The following BTBD9 variants were observed in gnomAD, a reference collection of about 807,000 sequenced individuals.
The protein encoded by BTBD9 is BTB domain containing 9, also known as BTB/POZ domain-containing protein 9.
A neutral mutation model predicts 64.3 loss-of-function variants in BTBD9; 49 were observed. That is an observed-to-expected ratio of 0.76 (90% CI 0.61 to 0.97). The LOEUF (loss-of-function observed/expected upper bound fraction) is 0.97, where lower values mean the gene tolerates loss of function less well. BTBD9 is among the 50% of genes least tolerant of loss of function. BTBD9 has a pLI of 0.00. For synonymous variants in BTBD9, 260 were observed against 274.7 expected (o/e 0.95, Z 0.53); for missense variants, 598 against 762.1 (o/e 0.78, Z 2.53).
chr6:38,464,382 G>GA (rs142296032), intron 6 of BTBD9, among the ~76,000 whole-genome samples: 169 of 147,110 alleles, frequency 1.1e-3, no homozygotes, highest in African/African-American at 3.1e-3. Flanking sequence ...TTGCATTCAT[G>GA]AAAAAAAAAA....
intron 1 of BTBD9, among the ~76,000 whole-genome samples, chr6:38,637,645 T>C (rs1411802970): frequency 1.3e-5 from 2 of 152,206 alleles, no homozygotes; most frequent in Non-Finnish European, 2.9e-5. Context: ...TGGTACATCA[T>C]TTCAGTAAAT....
intron 7 of BTBD9, among the ~76,000 whole-genome samples, chr6:38,324,313 A>G (rs892669208): frequency 1.3e-5 from 2 of 152,216 alleles, no homozygotes; most frequent in Non-Finnish European, 2.9e-5. Flanking sequence ...AAATTCTAAA[A>G]TACGCATTAG....
intron 6 of BTBD9, among the ~76,000 whole-genome samples, chr6:38,449,926 G>T (rs894682712): frequency 1.3e-5 from 2 of 152,038 alleles, no homozygotes; most frequent in African/African-American, 4.8e-5. Context: ...AATAAATATA[G>T]ACAAATGGGA....
At chr6:38,351,095 T>C (rs1562062158) in intron 6 of BTBD9, among the ~76,000 whole-genome samples, 1 of 152,236 alleles carries the variant, frequency 6.6e-6, no homozygotes, top group Non-Finnish European at 1.5e-5. Context: ...AAAAAGCTTC[T>C]AGAAAAGCAT....
chr6:38,309,605 G>A (rs1762753405), intron 7 of BTBD9, among the ~76,000 whole-genome samples: 1 of 151,800 alleles, frequency 6.6e-6, no homozygotes, highest in South Asian at 2.1e-4. Flanking sequence ...TAGAGACGGG[G>A]TTTCACCATG....
intron 6 of BTBD9, among the ~76,000 whole-genome samples, chr6:38,351,798 G>C (rs200387414): frequency 6.6e-5 from 10 of 151,942 alleles, no homozygotes; most frequent in African/African-American, 2.4e-4. Context: ...CGCCCCAGCC[G>C]TAATTGTTTT....
intron 9 of BTBD9, among the ~76,000 whole-genome samples, chr6:38,212,077 G>A (rs759058745): frequency 6.6e-6 from 1 of 152,180 alleles, no homozygotes; most frequent in Non-Finnish European, 1.5e-5. Flanking sequence ...ACCATTTAAC[G>A]TGGTCCCAGG....
intron 6 of BTBD9, among the ~76,000 whole-genome samples, chr6:38,511,889 G>A (rs1266013358): frequency 6.6e-6 from 1 of 152,148 alleles, no homozygotes; most frequent in Non-Finnish European, 1.5e-5. Flanking sequence ...TAGAGGAAAG[G>A]GAAATGAAAT....
At chr6:38,196,661 T>C (rs1051507211) in intron 9 of BTBD9, among the ~76,000 whole-genome samples, 10 of 152,242 alleles carry the variant, frequency 6.6e-5, no homozygotes, top group African/African-American at 1.7e-4. Context: ...GTAGTGCCCC[T>C]TCCTTAAGAA....
At chr6:38,202,946 T>C (rs1025875712) in intron 9 of BTBD9, among the ~76,000 whole-genome samples, 122 of 152,260 alleles carry the variant, frequency 8.0e-4, no homozygotes, top group Non-Finnish European at 7.4e-5. Flanking sequence ...ACCCGCAAAC[T>C]ATTCATCTAA....
At chr6:38,227,512 G>A (rs1763439403) in intron 9 of BTBD9, among the ~76,000 whole-genome samples, 2 of 152,144 alleles carry the variant, frequency 1.3e-5, no homozygotes. Flanking sequence ...TATCCCTTCC[G>A]CCTGATGAGG....
chr6:38,405,897 GAAATTTTGA>G (rs967620006), intron 6 of BTBD9, among the ~76,000 whole-genome samples: 18 of 152,252 alleles, frequency 1.2e-4, no homozygotes, highest in Non-Finnish European at 2.6e-4. Flanking sequence ...AGTTACAAAT[GAAATTTTGA>G]AAATGTCTTT....
chr6:38,309,740 A>G (rs1333887116), intron 7 of BTBD9, among the ~76,000 whole-genome samples: 1 of 151,942 alleles, frequency 6.6e-6, no homozygotes, highest in Non-Finnish European at 1.5e-5. Flanking sequence ...ACGATCCTTT[A>G]ATAAAGAATA....
At chr6:38,197,273 A>G (rs552332513) in intron 9 of BTBD9, among the ~76,000 whole-genome samples, 3 of 152,340 alleles carry the variant, frequency 2.0e-5, no homozygotes. Flanking sequence ...CAAAGAGAAG[A>G]GAAGTAATCT....
chr6:38,431,548 T>C lies in BTBD9; in HGVS notation c.1155-86455A>G, dbSNP rs545082712. ...ACCCTAGATTCCCATCCCTCAAACC[T>C]GCTCCTCCCCATTGTCTTATCTACC... On this transcript the variant is annotated intron_variant, in intron 6 of 10. Transcript: ENST00000481247. 3.9e-5 allele frequency among the ~76,000 whole-genome samples: 6 copies of C among 152,298 alleles called. 1 individual carries two copies. The South Asian group carries it at 1.2e-3, about 32-fold the overall frequency.
intron 6 of BTBD9, among the ~76,000 whole-genome samples, chr6:38,348,518 T>TA (rs2127591603): frequency 6.6e-6 from 1 of 152,260 alleles, no homozygotes; most frequent in East Asian, 1.9e-4. Flanking sequence ...AATTAAAACT[T>TA]AAACAGTGCA....
intron 6 of BTBD9, among the ~76,000 whole-genome samples, chr6:38,431,782 A>G (rs532720825): frequency 6.6e-6 from 1 of 152,118 alleles, no homozygotes; most frequent in Admixed American, 6.5e-5. Flanking sequence ...TTGTCTGTCT[A>G]TATCCCCATT....
At chr6:38,211,019 C>T (rs1047651400) in intron 9 of BTBD9, among the ~76,000 whole-genome samples, 2 of 152,174 alleles carry the variant, frequency 1.3e-5, no homozygotes, top group Admixed American at 6.5e-5. Context: ...GGTATCAGAG[C>T]CTTTGTTGGT....
intron 8 of BTBD9, among the ~76,000 whole-genome samples, chr6:38,271,084 C>G (rs1765182579): frequency 6.6e-6 from 1 of 152,122 alleles, no homozygotes; most frequent in Admixed American, 6.6e-5. Flanking sequence ...TATAAAGAGG[C>G]ATTATACAAC....
Sources: gnomAD v4.1 joint callset for allele counts (sites outside exome capture counted in the v4.1 genomes callset) on GRCh38, gnomAD v4.1.1 for gene constraint, MANE v1.5 for transcripts, NCBI Gene and HGNC (gene_info 2026-07-23, HGNC 2026-07-21) for gene names.